Variants in BACH1 observed in about 807,000 individuals in gnomAD.
The protein encoded by BACH1 is BTB domain and CNC homolog 1, also known as transcription regulator protein BACH1.
Under a neutral mutation model 52.9 loss-of-function variants are expected in BACH1, and 35 were observed. That is an observed-to-expected ratio of 0.66 (90% CI 0.51 to 0.88). The LOEUF (loss-of-function observed/expected upper bound fraction) is 0.88. Among genes scored for constraint, BACH1 ranks in the 40% least tolerant of loss-of-function variants. BACH1 has a pLI of 0.00. For missense variants in BACH1, 808 were observed against 872.6 expected (o/e 0.93, Z 0.93); for synonymous variants, 321 against 319.6 (o/e 1.00, Z -0.05).
At position 29,344,846 on chromosome 21, in the gene BACH1, T is replaced by C. The variant is rs527383058; in HGVS notation, c.*2013T>C. The C allele has an allele frequency of 1.3e-5, 2 of 152,740 alleles. No individual in the cohort carries two copies. Among genetic ancestry groups the C allele is most frequent in the East Asian group, 3.9e-4 (2 of 5,188 alleles). The allele number at this position is 152,740 out of a possible 1,614,324, so 9.5% of individuals were successfully genotyped here. A position where few individuals can be genotyped will look rare whatever the true frequency, so the allele number is the denominator to read the frequency against. Reference sequence around the variant, plus strand: ...AGTGTACACCCAACTATTGGTTGTATCAGTTTGTGTATGTGCAAATGTCAA... The same window carrying C: ...AGTGTACACCCAACTATTGGTTGTACCAGTTTGTGTATGTGCAAATGTCAA... On this transcript the variant is annotated 3_prime_UTR_variant, in exon 5 of 5. Coordinates refer to ENST00000286800, the MANE Select transcript of BACH1 (RefSeq NM_001186.4).
chr21:29,314,043 A>T (rs181067580), intron 1 of BACH1, among the ~76,000 whole-genome samples: 2 of 152,374 alleles, frequency 1.3e-5, no homozygotes, highest in Admixed American at 1.3e-4. Flanking sequence ...GTATTCAGTA[A>T]AAAAGCTTTA....
At chr21:29,361,849 A>G (rs558042088) in intron 2 of BACH1, 4 of 152,286 alleles carry the variant, frequency 2.6e-5, no homozygotes, top group African/African-American at 9.6e-5. Context: ...TTTAATAAGG[A>G]CCCATGCCAT....
At chr21:29,300,592 G>C (rs1177913105) in intron 1 of BACH1, among the ~76,000 whole-genome samples, 1 of 152,118 alleles carries the variant, frequency 6.6e-6, no homozygotes, top group African/African-American at 2.4e-5. Flanking sequence ...GCTAAAACTG[G>C]GGAAGAAATT....
At position 29,342,551 on chromosome 21, in the gene BACH1, T is replaced by G; in HGVS notation, c.1929T>G (p.Ala643=). Residue 643 remains alanine (A), a synonymous_variant, in exon 5 of 5, where the codon GCT becomes GCG. Transcript: ENST00000286800. ...TACAGATACTCGCCAAGTACTCAGC[T>G]GCAGATTGCCCACTTTCATTTTTAA... The part of the protein sequence containing the change: ...EQIQILAKYS[A]ADCPLSFLIS... 2 of 1,614,242 alleles carry G rather than the reference T, an allele frequency of 1.2e-6. No homozygotes were observed. Among genetic ancestry groups the G allele is most frequent in the Non-Finnish European group, 1.7e-6 (2 of 1,180,044 alleles).
intron 3 of BACH1, among the ~76,000 whole-genome samples, chr21:29,328,836 A>T (rs1330436534): frequency 6.6e-6 from 1 of 152,210 alleles, no homozygotes; most frequent in African/African-American, 2.4e-5. Flanking sequence ...TTCACTTAGC[A>T]TGATGCCTCC....
downstream of BACH1, among the ~76,000 whole-genome samples, chr21:29,350,380 G>A (rs888232252): frequency 4.6e-5 from 7 of 152,288 alleles, no homozygotes; most frequent in African/African-American, 1.7e-4. Context: ...AGAAAATAAA[G>A]GAATGGTAGA....
At chr21:29,324,554 C>T (rs1483612680) in intron 2 of BACH1, among the ~76,000 whole-genome samples, 1 of 108,096 alleles carries the variant, frequency 9.3e-6, no homozygotes, top group Non-Finnish European at 2.0e-5. Context: ...TATGGATGTA[C>T]CTTGTGTGTG....
intron 4 of BACH1, among the ~76,000 whole-genome samples, chr21:29,332,748 G>A (rs1429341562): frequency 6.6e-6 from 1 of 152,238 alleles, no homozygotes; most frequent in African/African-American, 2.4e-5. Context: ...AATCCAGTCA[G>A]AGACTACTGT....
intron 1 of BACH1, among the ~76,000 whole-genome samples, chr21:29,299,949 A>G (rs887127758): frequency 1.3e-5 from 2 of 152,194 alleles, no homozygotes; most frequent in African/African-American, 4.8e-5. Flanking sequence ...CCTTTACATC[A>G]GAGGGTCTGC....
intron 1 of BACH1, among the ~76,000 whole-genome samples, chr21:29,303,155 AT>A: frequency 6.6e-6 from 1 of 152,326 alleles, no homozygotes; most frequent in East Asian, 1.9e-4. Context: ...TTGTAAGCTA[AT>A]TAGTTTCTTC....
chr21:29,358,665 A>G (rs1279195520), intron 2 of BACH1, among the ~76,000 whole-genome samples: 1 of 151,850 alleles, frequency 6.6e-6, no homozygotes, highest in Admixed American at 6.6e-5. Context: ...GCTTGACCTC[A>G]GGAGGCAGAG....
At chr21:29,312,369 C>T (rs2088735305) in intron 1 of BACH1, among the ~76,000 whole-genome samples, 1 of 152,070 alleles carries the variant, frequency 6.6e-6, no homozygotes, top group Non-Finnish European at 1.5e-5. Flanking sequence ...TAACACTTTC[C>T]TTATATGGGA....
intron 3 of BACH1, among the ~76,000 whole-genome samples, chr21:29,328,220 T>G (rs1263588464): frequency 1.3e-5 from 2 of 152,186 alleles, no homozygotes; most frequent in East Asian, 3.9e-4. Flanking sequence ...ATTTCAACTA[T>G]TGATGAATGT....
intron 4 of BACH1, among the ~76,000 whole-genome samples, chr21:29,339,854 T>C (rs918052044): frequency 6.6e-6 from 1 of 152,134 alleles, no homozygotes; most frequent in Non-Finnish European, 1.5e-5. Context: ...TAAGCTGGTC[T>C]CGAACTCCTG....
At chr21:29,323,643 C>T (rs557486844) in intron 2 of BACH1, among the ~76,000 whole-genome samples, 1 of 152,304 alleles carries the variant, frequency 6.6e-6, no homozygotes, top group South Asian at 2.1e-4. Context: ...TCTTCTCTAG[C>T]AACGCCCTCA....
At chr21:29,323,423 G>A (rs896020014) in intron 2 of BACH1, among the ~76,000 whole-genome samples, 1 of 152,194 alleles carries the variant, frequency 6.6e-6, no homozygotes, top group African/African-American at 2.4e-5. Context: ...GTGTAAGTCT[G>A]AGAGTCCAAA....
intron 2 of BACH1, among the ~76,000 whole-genome samples, chr21:29,324,486 A>G (rs182284766): frequency 6.6e-6 from 1 of 152,064 alleles, no homozygotes; most frequent in East Asian, 1.9e-4. Context: ...AGCTGAGATT[A>G]TCCAGCTTGT....
intron 1 of BACH1, among the ~76,000 whole-genome samples, chr21:29,302,215 T>C (rs1403761745): frequency 6.6e-6 from 1 of 152,238 alleles, no homozygotes; most frequent in African/African-American, 2.4e-5. Context: ...ATTTTTGAGA[T>C]TGTTTTGATT....
At chr21:29,302,728 G>A (rs2088617065) in intron 1 of BACH1, among the ~76,000 whole-genome samples, 2 of 152,214 alleles carry the variant, frequency 1.3e-5, no homozygotes, top group African/African-American at 4.8e-5. Context: ...GAAGTACTTA[G>A]TTACACAGTA....
Sources: gnomAD v4.1 joint callset for allele counts (sites outside exome capture counted in the v4.1 genomes callset) on GRCh38, gnomAD v4.1.1 for gene constraint, MANE v1.5 for transcripts, NCBI Gene and HGNC (gene_info 2026-07-23, HGNC 2026-07-21) for gene names.